Variants in WDR47 observed in about 807,000 individuals in gnomAD.
WDR47 encodes WD repeat domain 47.
In WDR47, 32 loss-of-function variants were observed where a neutral mutation model predicts 97.2. The observed-to-expected ratio is 0.33, with a 90% CI of 0.25 to 0.44. The LOEUF (loss-of-function observed/expected upper bound fraction) is 0.44. WDR47 is among the 20% of genes least tolerant of loss of function. The probability of loss-of-function intolerance (pLI) is 1.00; values close to 1 mark genes in which losing one functional copy is unlikely to be tolerated. For missense variants in WDR47, 782 were observed against 1,102.3 expected (o/e 0.71, Z 4.11); for synonymous variants, 375 against 373.5 (o/e 1.00, Z -0.05).
At chr1:108,977,845 G>A (rs1050298717) in intron 13 of WDR47, among the ~76,000 whole-genome samples, 11 of 151,966 alleles carry the variant, frequency 7.2e-5, no homozygotes, top group African/African-American at 9.7e-5. Context: ...CGAGCTGGGC[G>A]TGGTGGCACG....
chr1:109,015,405 C>T (rs1661342929), intron 3 of WDR47, among the ~76,000 whole-genome samples: 1 of 152,090 alleles, frequency 6.6e-6, no homozygotes, highest in Admixed American at 6.5e-5. Context: ...CTCACTGCAA[C>T]CCCTGCCTCC....
In WDR47 at chr1:109,006,887, T is replaced by C. The variant is rs1308121133; in HGVS notation, c.1131-2172A>G. Among the ~76,000 whole-genome samples, 7 of 152,284 alleles carry C rather than the reference T, an allele frequency of 4.6e-5. No homozygotes were observed. In the South Asian group the frequency reaches 8.3e-4, roughly 18 times the overall value. On this transcript the variant is annotated intron_variant, in intron 5 of 14. Coordinates refer to ENST00000369962, the MANE Select transcript of WDR47 (RefSeq NM_001142551.2). ...TCATGTTTTATCTTCTTGTTCACCA[T>C]AGCAGTTCAATCATATTGTAGCATG...
chr1:108,971,234 G>A lies in WDR47; in HGVS notation c.*196C>T. The A allele has an allele frequency of 6.1e-6, 4 of 658,732 alleles. No homozygotes were observed. The highest frequency in any genetic ancestry group is 4.7e-5 in the South Asian group (2 of 42,966). The allele number at this position is 658,732 out of a possible 1,614,324, so 40.8% of individuals were successfully genotyped here. ...TACATATAGCAGGTCACAGCAGCACGAGCTCACATGGAAGACTGAAAGCAC... is the reference window on the plus strand; with the variant it reads ...TACATATAGCAGGTCACAGCAGCACAAGCTCACATGGAAGACTGAAAGCAC... On this transcript the variant is annotated 3_prime_UTR_variant, in exon 15 of 15. Transcript: ENST00000369962.
At chr1:109,039,791 A>G (rs900889168) in intron 1 of WDR47, among the ~76,000 whole-genome samples, 12 of 151,890 alleles carry the variant, frequency 7.9e-5, no homozygotes, top group African/African-American at 2.9e-4. Flanking sequence ...TAATCCCAAC[A>G]TTGCGAGCCC....
At chr1:108,991,574 A>G (rs1226101350) in intron 8 of WDR47, among the ~76,000 whole-genome samples, 1 of 152,192 alleles carries the variant, frequency 6.6e-6, no homozygotes, top group Non-Finnish European at 1.5e-5. Context: ...TTATAGTGAG[A>G]TGTCAAGTAC....
intron 1 of WDR47, among the ~76,000 whole-genome samples, chr1:109,039,691 G>A (rs1249678089): frequency 1.3e-5 from 2 of 151,618 alleles, no homozygotes; most frequent in African/African-American, 4.8e-5. Context: ...CTCAGGTGTG[G>A]GCCAGCATTG....
At chr1:109,022,868 G>T (rs960072747) in intron 2 of WDR47, among the ~76,000 whole-genome samples, 1 of 151,688 alleles carries the variant, frequency 6.6e-6, no homozygotes, top group Non-Finnish European at 1.5e-5. Flanking sequence ...TTACAGGCGT[G>T]AGCCACCACG....
chr1:108,986,756 T>C, intron 9 of WDR47, 76 bp from the exon 10 acceptor site: 1 of 1,269,084 alleles, frequency 7.9e-7, no homozygotes, highest in Non-Finnish European at 1.1e-6. Context: ...CCATTTTAAA[T>C]TCATTTGAAC....
chr1:108,996,347 C>T (rs897051760), intron 7 of WDR47, among the ~76,000 whole-genome samples: 8 of 152,294 alleles, frequency 5.3e-5, no homozygotes, highest in African/African-American at 1.7e-4. Flanking sequence ...AACCACTGTG[C>T]CCAGCCAGTA....
At chr1:108,978,949 T>C (rs943055080) in intron 13 of WDR47, among the ~76,000 whole-genome samples, 1 of 152,100 alleles carries the variant, frequency 6.6e-6, no homozygotes, top group Non-Finnish European at 1.5e-5. Flanking sequence ...TTTTGAGATA[T>C]CTGAGTAAAA....
intron 1 of WDR47, among the ~76,000 whole-genome samples, chr1:109,028,409 G>A (rs1662378485): frequency 1.9e-5 from 2 of 107,084 alleles, no homozygotes; most frequent in African/African-American, 7.3e-5. Flanking sequence ...TCGCCATGTT[G>A]CCCAGGCTTA....
chr1:109,019,828 C>T (rs1228391376), intron 2 of WDR47, among the ~76,000 whole-genome samples: 3 of 152,212 alleles, frequency 2.0e-5, no homozygotes, highest in African/African-American at 7.2e-5. Context: ...GGCATTCTTA[C>T]ATCTTTTCTT....
chr1:108,979,744 T>A (rs960728122), intron 13 of WDR47, among the ~76,000 whole-genome samples: 1 of 152,222 alleles, frequency 6.6e-6, no homozygotes, highest in Non-Finnish European at 1.5e-5. Context: ...ATCTTTTCAA[T>A]AGAGTTATAT....
chr1:109,001,252 G>C (rs1211537233), intron 7 of WDR47, among the ~76,000 whole-genome samples: 1 of 152,128 alleles, frequency 6.6e-6, no homozygotes, highest in Non-Finnish European at 1.5e-5. Context: ...TCGCGCCACT[G>C]TACTCCAGCC....
In WDR47 at chr1:108,991,387, T is replaced by G. The variant is rs139647836; in HGVS notation, c.1692-58A>C. On this transcript the variant is annotated intron_variant, in intron 8 of 14. Transcript: ENST00000369962. ...CCATGTATCAAAATAGAAACTAAAT[T>G]AATTTACCCTTTCAAACACTAATTT... is the stretch of plus-strand genomic sequence containing the variant. 118 of 1,474,720 alleles carry G rather than the reference T, an allele frequency of 8.0e-5. No homozygotes were observed. In the African/African-American group the frequency reaches 1.6e-3, roughly 20 times the overall value. 91.4% of individuals were successfully genotyped at this position (1,474,720 alleles called of 1,614,324 possible).
intron 5 of WDR47, among the ~76,000 whole-genome samples, chr1:109,009,774 G>A (rs1219867267): frequency 3.9e-5 from 6 of 152,104 alleles, no homozygotes; most frequent in Non-Finnish European, 8.8e-5. Context: ...GAGGCGGGTG[G>A]ATCAGCTGAG....
intron 9 of WDR47, among the ~76,000 whole-genome samples, chr1:108,987,449 AG>A (rs1234922517): frequency 1.3e-5 from 2 of 148,276 alleles, no homozygotes; most frequent in East Asian, 4.1e-4. Context: ...CCACCGCACC[AG>A]CCAATTGTTT....
intron 3 of WDR47, among the ~76,000 whole-genome samples, chr1:109,017,206 A>G (rs1293485124): frequency 6.6e-6 from 1 of 152,116 alleles, no homozygotes; most frequent in Non-Finnish European, 1.5e-5. Context: ...AACACAAGGG[A>G]AGCCTGGGCA....
rs200761875 is a variant in WDR47 at position 108,998,119 on chromosome 1, AATGTACATAT to A, written c.1434-2292_1434-2283del. Among the ~76,000 whole-genome samples, 865 of 152,254 alleles carry A rather than the reference AATGTACATAT, an allele frequency of 5.7e-3. 6 individuals are homozygous for A. Among genetic ancestry groups the A allele is most frequent in the Middle Eastern group, 0.024 (7 of 294 alleles). On this transcript the variant is annotated intron_variant, in intron 7 of 14. Transcript: ENST00000369962. The stretch of plus-strand genomic sequence containing the variant: ...GTTCTGTGAAACATATTTCTTGTGA[AATGTACATAT>A]ATCTTTTTTATACTCCCCATAAAAA...
Sources: gnomAD v4.1 joint callset for allele counts (sites outside exome capture counted in the v4.1 genomes callset) on GRCh38, gnomAD v4.1.1 for gene constraint, MANE v1.5 for transcripts, NCBI Gene and HGNC (gene_info 2026-07-23, HGNC 2026-07-21) for gene names.